LY96: variants seen among roughly 807,000 people sequenced by gnomAD.
LY96 encodes lymphocyte antigen 96, also known as myeloid differentiation protein-2.
Under a neutral mutation model 18.9 loss-of-function variants are expected in LY96, and 18 were observed. The ratio of observed to expected loss-of-function variants is 0.95; its 90% CI spans 0.66 to 1.41. The LOEUF (loss-of-function observed/expected upper bound fraction) is 1.41. Among genes scored for constraint, LY96 ranks in the 40% most tolerant of loss-of-function variants. The probability of loss-of-function intolerance (pLI) is 0.00; values close to 1 mark genes in which losing one functional copy is unlikely to be tolerated. For missense variants in LY96, 175 were observed against 182.4 expected (o/e 0.96, Z 0.23); for synonymous variants, 66 against 62.6 (o/e 1.06, Z -0.26).
chr8:74,033,960 G>A (rs140705750), downstream of LY96, among the ~76,000 whole-genome samples: 571 of 151,680 alleles, frequency 3.8e-3, 1 homozygote, highest in Non-Finnish European at 6.0e-3. Flanking sequence ...CAAATTTCCA[G>A]CAAAGCCAAC....
At chr8:74,047,290 A>G in the LY96 span, among the ~76,000 whole-genome samples, 1 of 152,312 alleles carries the variant, frequency 6.6e-6, no homozygotes, top group Middle Eastern at 3.4e-3. Flanking sequence ...CTTCCTTAAT[A>G]TGCTTTCTGG....
the LY96 span, among the ~76,000 whole-genome samples, chr8:74,073,585 C>G: frequency 6.6e-6 from 1 of 152,114 alleles, no homozygotes; most frequent in Non-Finnish European, 1.5e-5. Context: ...TTCCCACAAC[C>G]TGTGGCTGCT....
the LY96 span, among the ~76,000 whole-genome samples, chr8:74,047,218 C>T: frequency 6.6e-6 from 1 of 152,164 alleles, no homozygotes; most frequent in East Asian, 1.9e-4. Context: ...GGATTTTCTA[C>T]ATAAAAAGAT....
intron 3 of LY96, among the ~76,000 whole-genome samples, chr8:74,022,776 T>G (rs1816795799): frequency 6.6e-6 from 1 of 152,016 alleles, no homozygotes. Context: ...AGATGGAGTT[T>G]CACCATGTTG....
chr8:74,059,750 C>T, the LY96 span, among the ~76,000 whole-genome samples: 82 of 152,300 alleles, frequency 5.4e-4, no homozygotes, highest in East Asian at 0.015. Flanking sequence ...ATTAGGAGAA[C>T]AGCTTTATGA....
chr8:74,079,064 A>G, the LY96 span, among the ~76,000 whole-genome samples: 1 of 152,248 alleles, frequency 6.6e-6, no homozygotes, highest in Non-Finnish European at 1.5e-5. Context: ...CATTTGAATC[A>G]GTAGACTGAG....
the LY96 span, among the ~76,000 whole-genome samples, chr8:74,037,383 C>T: frequency 6.6e-6 from 1 of 152,118 alleles, no homozygotes; most frequent in Non-Finnish European, 1.5e-5. Context: ...AAACCCAGCA[C>T]TTTGGGAGGC....
the LY96 span, among the ~76,000 whole-genome samples, chr8:74,034,215 T>C: frequency 1.3e-5 from 2 of 152,006 alleles, no homozygotes; most frequent in Non-Finnish European, 2.9e-5. Flanking sequence ...TACTAGAAAA[T>C]ACAAAAATTA....
chr8:74,038,492 G>A, the LY96 span, among the ~76,000 whole-genome samples: 7 of 152,096 alleles, frequency 4.6e-5, no homozygotes, highest in East Asian at 3.9e-4. Context: ...AATGACCTCC[G>A]GTTCCATTCA....
intron 1 of LY96, among the ~76,000 whole-genome samples, chr8:74,002,070 C>CTTTCTTTCTTT (rs1563710822): frequency 1.1e-4 from 2 of 18,466 alleles, no homozygotes; most frequent in Non-Finnish European, 2.0e-4. Flanking sequence ...TTCCTTCCTT[C>CTTTCTTTCTTT]CTTCCTTTCT....
the LY96 span, among the ~76,000 whole-genome samples, chr8:74,081,688 CTG>C: frequency 2.0e-5 from 3 of 152,026 alleles, no homozygotes. Context: ...GAGTCTCACT[CTG>C]TCACCCAGGC....
the LY96 span, among the ~76,000 whole-genome samples, chr8:74,070,853 A>T: frequency 6.6e-6 from 1 of 152,242 alleles, no homozygotes; most frequent in Non-Finnish European, 1.5e-5. Flanking sequence ...TTAAAAAATT[A>T]AAAACATTTT....
the LY96 span, among the ~76,000 whole-genome samples, chr8:74,064,024 C>T: frequency 6.6e-6 from 1 of 152,082 alleles, no homozygotes; most frequent in African/African-American, 2.4e-5. Flanking sequence ...TAAGTATTTA[C>T]TAAGAGAGAT....
At chr8:74,068,659 G>A in the LY96 span, among the ~76,000 whole-genome samples, 2 of 152,136 alleles carry the variant, frequency 1.3e-5, no homozygotes, top group African/African-American at 2.4e-5. Flanking sequence ...TGCAGTGGAT[G>A]GCATTGTGGT....
the LY96 span, among the ~76,000 whole-genome samples, chr8:74,044,804 T>C: frequency 2.0e-5 from 3 of 152,178 alleles, no homozygotes; most frequent in Admixed American, 1.3e-4. Flanking sequence ...AGAAGAAAAA[T>C]GGTTTCTGTC....
the LY96 span, among the ~76,000 whole-genome samples, chr8:74,096,693 G>A: frequency 7.2e-5 from 11 of 152,256 alleles, no homozygotes; most frequent in East Asian, 2.1e-3. Context: ...CTTCATGGGG[G>A]CGGGGACTCT....
the LY96 span, among the ~76,000 whole-genome samples, chr8:74,055,399 T>C: frequency 6.6e-6 from 1 of 152,182 alleles, no homozygotes; most frequent in East Asian, 1.9e-4. Flanking sequence ...TTGGGCAAGT[T>C]ATTTAAGCTT....
chr8:74,077,756 CATA>C, the LY96 span, among the ~76,000 whole-genome samples: 1 of 151,304 alleles, frequency 6.6e-6, no homozygotes, highest in Non-Finnish European at 1.5e-5. Flanking sequence ...AGTGTTAAAA[CATA>C]ATAAAACATT....
chr8:74,081,856 G>A, the LY96 span, among the ~76,000 whole-genome samples: 1 of 152,114 alleles, frequency 6.6e-6, no homozygotes, highest in Non-Finnish European at 1.5e-5. Context: ...GTTTCACCAT[G>A]CTGGCCAGGC....
Sources: gnomAD v4.1 joint callset for allele counts (sites outside exome capture counted in the v4.1 genomes callset) on GRCh38, gnomAD v4.1.1 for gene constraint, MANE v1.5 for transcripts, NCBI Gene and HGNC (gene_info 2026-07-23, HGNC 2026-07-21) for gene names.